The following CAP2 variants were observed in gnomAD, a reference collection of about 807,000 sequenced individuals.
The protein encoded by CAP2 is cyclase associated actin cytoskeleton regulatory protein 2, also known as adenylyl cyclase-associated protein 2.
A neutral mutation model predicts 57.7 loss-of-function variants in CAP2; 24 were observed. The observed-to-expected ratio is 0.42, with a 90% confidence interval of 0.30 to 0.58. The LOEUF is 0.58. Among genes scored for constraint, CAP2 ranks in the 20% least tolerant of loss-of-function variants. The pLI is 0.22. For missense variants in CAP2, 501 were observed against 590.3 expected (o/e 0.85, Z 1.57); for synonymous variants, 194 against 207.2 (o/e 0.94, Z 0.55).
intron 1 of CAP2, among the ~76,000 whole-genome samples, chr6:17,401,674 A>G (rs1045086163): frequency 5.9e-5 from 9 of 152,244 alleles, no homozygotes; most frequent in African/African-American, 9.6e-5. Context: ...AGCTGTGGCT[A>G]GAGATTTTCA....
intron 6 of CAP2, among the ~76,000 whole-genome samples, chr6:17,509,541 G>C (rs138581485): frequency 0.018 from 2,721 of 152,160 alleles, 81 homozygotes; most frequent in African/African-American, 0.062. Flanking sequence ...CGAGCGTGGT[G>C]GTGGGCACCT....
chr6:17,397,007 C>G (rs1335996924), intron 1 of CAP2, among the ~76,000 whole-genome samples: 1 of 152,008 alleles, frequency 6.6e-6, no homozygotes, highest in African/African-American at 2.4e-5. Context: ...GTATGTATTC[C>G]AAAACAATAG....
At chr6:17,492,952 G>A (rs1761580202) in intron 4 of CAP2, among the ~76,000 whole-genome samples, 1 of 152,036 alleles carries the variant, frequency 6.6e-6, no homozygotes, top group Non-Finnish European at 1.5e-5. Flanking sequence ...AAAAGAACAA[G>A]AAAACATGAG....
rs565066430 is a variant in CAP2, at chr6:17,530,992, G to A, written c.637-8277G>A. On this transcript the variant is annotated intron_variant, in intron 7 of 12. Transcript: ENST00000229922. ...GTGGTCTTTTTCTTCATTCTGCCTC[G>A]TGGAGAAGATAATTTGAAGGGCCAC... The A allele has an allele frequency of 8.7e-5, 119 of 1,373,242 alleles. No individual in the cohort carries two copies. The East Asian group carries it at 1.3e-3, about 14-fold the overall frequency. 85.1% of individuals were successfully genotyped at this position (1,373,242 alleles called of 1,614,324 possible).
Position 17,556,338 on chromosome 6 carries a change from G to A in CAP2, c.1351-21G>A, listed in dbSNP as rs768736782. On this transcript the variant is annotated intron_variant, in intron 12 of 12. Coordinates refer to ENST00000229922, the MANE Select transcript of CAP2 (RefSeq NM_006366.3). ...ACTTTGTTGTAGTTTAAATAACTTT[G>A]TTGTTCTTGCCTTTTTCCAGAGAGA... The A allele has an allele frequency of 2.8e-5, 44 of 1,554,364 alleles. No homozygotes were observed. In the East Asian group the frequency reaches 4.0e-4, roughly 14 times the overall value.
chr6:17,542,187 G>C (rs1171130258), intron 9 of CAP2, among the ~76,000 whole-genome samples: 1 of 152,152 alleles, frequency 6.6e-6, no homozygotes, highest in Non-Finnish European at 1.5e-5. Flanking sequence ...TAATCAGGCA[G>C]CAAGACAGAC....
chr6:17,410,479 T>C (rs1039982412), intron 1 of CAP2, among the ~76,000 whole-genome samples: 2 of 151,854 alleles, frequency 1.3e-5, no homozygotes, highest in African/African-American at 2.4e-5. Flanking sequence ...GTTCCAGGAG[T>C]GGGGAGTATG....
chr6:17,525,000 G>A (rs989519971), intron 7 of CAP2, among the ~76,000 whole-genome samples: 4 of 150,090 alleles, frequency 2.7e-5, no homozygotes, highest in Admixed American at 6.7e-5. Flanking sequence ...GTGTTCAAGC[G>A]ATTCTCCTGC....
At chr6:17,407,946 G>A (rs1759026413) in intron 1 of CAP2, among the ~76,000 whole-genome samples, 1 of 152,064 alleles carries the variant, frequency 6.6e-6, no homozygotes, top group Admixed American at 6.6e-5. Flanking sequence ...CATAAAACTG[G>A]CCCAACACTT....
chr6:17,420,978 CCAACGTTAAGTCTCCAT>C (rs952297258), intron 1 of CAP2, among the ~76,000 whole-genome samples: 1 of 146,850 alleles, frequency 6.8e-6, no homozygotes, highest in Non-Finnish European at 1.5e-5. Flanking sequence ...AGATACGGAA[CCAACGTTAAGTCTCCAT>C]CAACCAATGA....
chr6:17,491,610 C>T (rs1761543251), intron 4 of CAP2, among the ~76,000 whole-genome samples: 1 of 152,162 alleles, frequency 6.6e-6, no homozygotes, highest in Admixed American at 6.5e-5. Flanking sequence ...ACGGTTTAAA[C>T]CCAGATGTTT....
intron 4 of CAP2, among the ~76,000 whole-genome samples, chr6:17,467,032 T>G (rs564389523): frequency 6.1e-4 from 93 of 152,230 alleles, no homozygotes; most frequent in Middle Eastern, 6.8e-3. Context: ...GTTTTGGGCA[T>G]TGGGGAGGGA....
chr6:17,540,814 C>T (rs1331108894), intron 8 of CAP2, among the ~76,000 whole-genome samples, 159 bp from the exon 9 acceptor site: 1 of 152,220 alleles, frequency 6.6e-6, no homozygotes, highest in East Asian at 1.9e-4. Flanking sequence ...TTGTACAGGA[C>T]TCAGCTCCTG....
chr6:17,469,418 G>GTGTGTGTGTGTGTGTC (rs765967768), intron 4 of CAP2, among the ~76,000 whole-genome samples: 113 of 145,048 alleles, frequency 7.8e-4, no homozygotes, highest in African/African-American at 2.9e-3. Context: ...GTGTGTGTCT[G>GTGTGTGTGTGTGTGTC]TGTGTGTGTG....
intron 7 of CAP2, among the ~76,000 whole-genome samples, chr6:17,516,463 A>C (rs921109212): frequency 6.6e-6 from 1 of 152,188 alleles, no homozygotes; most frequent in Non-Finnish European, 1.5e-5. Flanking sequence ...CTTGAGGGAA[A>C]GGTTGGGAGG....
At chr6:17,499,848 CATAAATAAATAA>C (rs139314619) in intron 4 of CAP2, among the ~76,000 whole-genome samples, 6 of 142,710 alleles carry the variant, frequency 4.2e-5, no homozygotes, top group South Asian at 2.3e-4. Context: ...GAGACCCTGT[CATAAATAAATAA>C]ATAAATAAAT....
intron 1 of CAP2, among the ~76,000 whole-genome samples, chr6:17,401,602 T>C (rs1758818222): frequency 6.6e-6 from 1 of 152,202 alleles, no homozygotes; most frequent in Non-Finnish European, 1.5e-5. Context: ...TTTCAACTGA[T>C]TGGTTACTTG....
chr6:17,497,385 A>G (rs1372039974), intron 4 of CAP2, among the ~76,000 whole-genome samples: 1 of 152,214 alleles, frequency 6.6e-6, no homozygotes, highest in African/African-American at 2.4e-5. Flanking sequence ...AAGAGTTGGT[A>G]TCTTCTCAGC....
At chr6:17,511,214 C>A (rs1762137917) in intron 6 of CAP2, among the ~76,000 whole-genome samples, 1 of 152,010 alleles carries the variant, frequency 6.6e-6, no homozygotes, top group African/African-American at 2.4e-5. Context: ...CTTCTGAAAG[C>A]GGACTAAGCA....
Sources: allele counts gnomAD v4.1 joint callset (sites outside exome capture counted in the v4.1 genomes callset), GRCh38; gene constraint gnomAD v4.1.1; transcripts MANE v1.5; gene names NCBI Gene and HGNC (gene_info 2026-07-23, HGNC 2026-07-21).